PCDHGA10: variants seen among roughly 807,000 people sequenced by gnomAD.
PCDHGA10 encodes the protein protocadherin gamma subfamily A, 10, also known as protocadherin gamma-A10.
A neutral mutation model predicts 59.5 loss-of-function variants in PCDHGA10; 42 were observed. That is an observed-to-expected ratio of 0.71 (90% CI 0.55 to 0.91). The LOEUF (loss-of-function observed/expected upper bound fraction) is 0.91. Ranked by LOEUF, PCDHGA10 falls within the 40% of genes least tolerant of loss-of-function variation. The probability of loss-of-function intolerance (pLI) is 0.00; values close to 1 mark genes in which losing one functional copy is unlikely to be tolerated. For missense variants in PCDHGA10, 1,111 were observed against 1,198.2 expected (o/e 0.93, Z 1.07); for synonymous variants, 511 against 517.2 (o/e 0.99, Z 0.16).
chr5:141,511,147 A>T lies in PCDHGA10; in HGVS notation c.2785A>T (p.Lys929Ter). The change falls in exon 4 of 4, where the codon AAG becomes TAG. Residue 929 changes from lysine to a stop codon, truncating the protein, a stop_gained. Coordinates refer to ENST00000398610, the MANE Select transcript of PCDHGA10 (RefSeq NM_018913.3). LOFTEE classifies it high-confidence loss of function. Reference sequence around the variant, plus strand: ...AGCAGGTGGCAATGGCAACAAGAAGAAGTCGGGCAAGAAGGAGAAGAAGTA... The same window carrying T: ...AGCAGGTGGCAATGGCAACAAGAAGTAGTCGGGCAAGAAGGAGAAGAAGTA... The part of the protein sequence containing the change: ...APAGGNGNKK[K>*]SGKKEKK 1 of 1,614,188 alleles carries T rather than the reference A, an allele frequency of 6.2e-7. No homozygotes were observed. Among genetic ancestry groups the T allele is most frequent in the East Asian group, 2.2e-5 (1 of 44,876 alleles).
rs537619617 is a variant in PCDHGA10 at position 141,483,429 on chromosome 5, C to G, written c.2437-11378C>G. On this transcript the variant is annotated intron_variant, in intron 1 of 3. Coordinates refer to ENST00000398610, the MANE Select transcript of PCDHGA10 (RefSeq NM_018913.3). ...ACAGTGGCAGTACAGATGGAGGGAGCTGACTACAATAAAATCATCAGGACT... is the reference window on the plus strand; with the variant it reads ...ACAGTGGCAGTACAGATGGAGGGAGGTGACTACAATAAAATCATCAGGACT... Among the ~76,000 whole-genome samples the G allele has an allele frequency of 5.3e-5, 8 of 152,158 alleles. No individual in the cohort carries two copies. In the East Asian group the frequency reaches 1.5e-3, roughly 29 times the overall value.
chr5:141,494,818 C>T lies in PCDHGA10; in HGVS notation c.2448C>T (p.Pro816=). The part of the protein sequence containing the change: ...EDTPLVPQAP[P]NTDWRFSQAQ... ...TGTTTTCTCCACAGCAAGCCCCGCCCAACACGGACTGGCGTTTCTCTCAGG... is the reference window on the plus strand; with the variant it reads ...TGTTTTCTCCACAGCAAGCCCCGCCTAACACGGACTGGCGTTTCTCTCAGG... Residue 816 remains proline (P), a synonymous_variant, in exon 2 of 4, where the codon CCC becomes CCT. Transcript: ENST00000398610. 1.9e-6 allele frequency: 3 copies of T among 1,614,152 alleles called. No homozygotes were observed. The highest frequency in any genetic ancestry group is 2.2e-5 in the South Asian group (2 of 91,074).
chr5:141,423,699 T>C, intron 1 of PCDHGA10: 1 of 1,469,146 alleles, frequency 6.8e-7, no homozygotes, highest in East Asian at 2.5e-5. Context: ...GTTGGTGTCT[T>C]GGCACAAGTC....
chr5:141,445,389 C>T (rs1484183450), intron 1 of PCDHGA10, among the ~76,000 whole-genome samples: 1 of 152,174 alleles, frequency 6.6e-6, no homozygotes, highest in Non-Finnish European at 1.5e-5. Flanking sequence ...CATTCATTTA[C>T]ATAACAAATA....
At position 141,487,666 on chromosome 5, in the gene PCDHGA10, C is replaced by T. The variant is rs2099657736; in HGVS notation, c.2437-7141C>T. 1 of 1,612,838 alleles carries T rather than the reference C, an allele frequency of 6.2e-7. No homozygotes were observed. Among genetic ancestry groups the T allele is most frequent in the South Asian group, 1.1e-5 (1 of 90,712 alleles). Reference sequence around the variant, plus strand: ...TGCTTGAGGGTTATTCTGATCCAGGCATATGGCTAGGCCATGTCCTAGAGA... The same window carrying T: ...TGCTTGAGGGTTATTCTGATCCAGGTATATGGCTAGGCCATGTCCTAGAGA... On this transcript the variant is annotated intron_variant, in intron 1 of 3. Coordinates refer to ENST00000398610, the MANE Select transcript of PCDHGA10 (RefSeq NM_018913.3). This position sits in a 1 kb window ranked among gnomAD's most constrained non-coding sequence, Gnocchi z 5.0.
intron 1 of PCDHGA10, chr5:141,478,308 T>A: frequency 6.2e-7 from 1 of 1,614,050 alleles, no homozygotes; most frequent in Non-Finnish European, 8.5e-7. Context: ...CGAGCCCCGG[T>A]GAGCTCACTG....
chr5:141,487,826 T>C lies in PCDHGA10; in HGVS notation c.2437-6981T>C, dbSNP rs1321152837. 24 of 1,187,814 alleles carry C rather than the reference T, an allele frequency of 2.0e-5. No homozygotes were observed. The highest frequency in any genetic ancestry group is 2.8e-5 in the Non-Finnish European group (24 of 856,356). The allele number at this position is 1,187,814 out of a possible 1,614,324, so 73.6% of individuals were successfully genotyped here. On this transcript the variant is annotated intron_variant, in intron 1 of 3. Coordinates refer to ENST00000398610, the MANE Select transcript of PCDHGA10 (RefSeq NM_018913.3). The surrounding 1 kb of genome is among the most constrained non-coding windows in gnomAD (Gnocchi z 5.0). ...ACAGTTTAGCATTGGGGGCGGGTCA[T>C]GCCTATATCTGAGTAAGAAATGAAA... is the stretch of plus-strand genomic sequence containing the variant.
At chr5:141,500,446 T>C (rs2099800320) in intron 2 of PCDHGA10, among the ~76,000 whole-genome samples, 1 of 152,002 alleles carries the variant, frequency 6.6e-6, no homozygotes, top group South Asian at 2.1e-4. Context: ...CCTGACCTCG[T>C]GATCCGCCCG....
chr5:141,416,759 C>T (rs1045872662), intron 1 of PCDHGA10: 2 of 152,130 alleles, frequency 1.3e-5, no homozygotes, highest in African/African-American at 4.8e-5. Flanking sequence ...TTAGGTAGAT[C>T]TCTTAATTTT....
In PCDHGA10 at chr5:141,512,243, C is replaced by T. The variant is rs1205585993; in HGVS notation, c.*1070C>T. ...AGGTCCCCTTGAGAGGTCAGAGGGG[C>T]CTCTGTGGGTGCTGGGTACTCCAGA... On this transcript the variant is annotated 3_prime_UTR_variant, in exon 4 of 4. Transcript: ENST00000398610. 2 of 152,728 alleles carry T rather than the reference C, an allele frequency of 1.3e-5. No homozygotes were observed. The highest frequency in any genetic ancestry group is 1.5e-5 in the Non-Finnish European group (1 of 68,138). 9.5% of individuals were successfully genotyped at this position (152,728 alleles called of 1,614,324 possible).
intron 1 of PCDHGA10, chr5:141,430,556 C>A (rs1479639096): frequency 9.7e-6 from 4 of 413,394 alleles, no homozygotes; most frequent in African/African-American, 2.1e-5. Flanking sequence ...GTTCACCAAT[C>A]GGGGAGAGAA....
intron 1 of PCDHGA10, among the ~76,000 whole-genome samples, chr5:141,458,339 T>A (rs1380637284): frequency 2.0e-5 from 3 of 150,846 alleles, no homozygotes; most frequent in Non-Finnish European, 3.0e-5. Context: ...TTTTAAGGAG[T>A]GGAGAGTTTA....
chr5:141,426,998 A>C (rs981827933), intron 1 of PCDHGA10: 8 of 456,664 alleles, frequency 1.8e-5, no homozygotes, highest in African/African-American at 1.6e-4. Flanking sequence ...ATAATGCCCC[A>C]GTTTTTAGCC....
rs769461165 is a variant in PCDHGA10, at chr5:141,491,293, C to G, written c.2437-3514C>G. 2 of 1,614,048 alleles carry G rather than the reference C, an allele frequency of 1.2e-6. No individual in the cohort carries two copies. Among genetic ancestry groups the G allele is most frequent in the Admixed American group, 3.3e-5 (2 of 60,008 alleles). ...ATCCAGTGACTTCCTCATACACCCT[C>G]CTGAGCGTTCAGACCTTACCCTTTA... On this transcript the variant is annotated intron_variant, in intron 1 of 3. Coordinates refer to ENST00000398610, the MANE Select transcript of PCDHGA10 (RefSeq NM_018913.3). This position sits in a 1 kb window ranked among gnomAD's most constrained non-coding sequence, Gnocchi z 6.9.
rs1322608789 is a variant in PCDHGA10, at chr5:141,485,671, G to A, written c.2437-9136G>A. 3 of 1,612,860 alleles carry A rather than the reference G, an allele frequency of 1.9e-6. No homozygotes were observed. The highest frequency in any genetic ancestry group is 2.5e-6 in the Non-Finnish European group (3 of 1,179,040). On this transcript the variant is annotated intron_variant, in intron 1 of 3. Coordinates refer to ENST00000398610, the MANE Select transcript of PCDHGA10 (RefSeq NM_018913.3). This position sits in a 1 kb window ranked among gnomAD's most constrained non-coding sequence, Gnocchi z 5.7. Reference sequence around the variant, plus strand: ...AGGATGCAGATGTGGGGAGCAATTCGATTAGCAGCTATAGGCTGAGCTCCA... The same window carrying A: ...AGGATGCAGATGTGGGGAGCAATTCAATTAGCAGCTATAGGCTGAGCTCCA...
intron 1 of PCDHGA10, among the ~76,000 whole-genome samples, chr5:141,471,928 G>A (rs1328213264): frequency 6.6e-6 from 1 of 152,152 alleles, no homozygotes; most frequent in African/African-American, 2.4e-5. Context: ...TTTTGGGGGT[G>A]ATGAGAGTTT....
At chr5:141,429,045 G>C (rs919761577) in intron 1 of PCDHGA10, 15 of 151,954 alleles carry the variant, frequency 9.9e-5, no homozygotes, top group African/African-American at 2.9e-4. Context: ...TAGTACAGAC[G>C]GGGTTTCACC....
rs528779386 is a variant in PCDHGA10, at chr5:141,509,416, C to T, written c.2585-1531C>T. Among the ~76,000 whole-genome samples, 4 of 152,258 alleles carry T rather than the reference C, an allele frequency of 2.6e-5. No individual in the cohort carries two copies. In the East Asian group the frequency reaches 7.7e-4, roughly 29 times the overall value. ...TCTCAGGGCCTCCAGCAGCGAGCCCCAATGAGTCAAACTCTTGTTTCCTCC... is the reference window on the plus strand; with the variant it reads ...TCTCAGGGCCTCCAGCAGCGAGCCCTAATGAGTCAAACTCTTGTTTCCTCC... On this transcript the variant is annotated intron_variant, in intron 3 of 3. Transcript: ENST00000398610.
intron 1 of PCDHGA10, among the ~76,000 whole-genome samples, chr5:141,430,322 C>G (rs1266324669): frequency 6.7e-6 from 1 of 150,364 alleles, no homozygotes; most frequent in Non-Finnish European, 1.5e-5. Flanking sequence ...AGATTAAAAT[C>G]ATTGTTTATA....
Sources: allele counts gnomAD v4.1 joint callset (sites outside exome capture counted in the v4.1 genomes callset), GRCh38; gene constraint gnomAD v4.1.1; non-coding constraint Gnocchi (gnomAD v3.1); transcripts MANE v1.5; gene names NCBI Gene and HGNC (gene_info 2026-07-23, HGNC 2026-07-21).